Variants in RHOU observed in about 807,000 individuals in gnomAD.
The protein encoded by RHOU is ras homolog family member U.
Under a neutral mutation model 12.6 loss-of-function variants are expected in RHOU, and 8 were observed. That is an observed-to-expected ratio of 0.64 (90% CI 0.37 to 1.15). RHOU has a LOEUF of 1.15. Ranked by LOEUF, RHOU falls within the 50% of genes most tolerant of loss-of-function variation. The pLI is 0.01. For missense variants in RHOU, 258 were observed against 347.0 expected (o/e 0.74, Z 2.04); for synonymous variants, 161 against 147.4 (o/e 1.09, Z -0.67).
At chr1:228,667,689 T>C in the RHOU span, among the ~76,000 whole-genome samples, 1 of 152,234 alleles carries the variant, frequency 6.6e-6, no homozygotes, top group Non-Finnish European at 1.5e-5. Flanking sequence ...ATCAATACTA[T>C]TTTTAAATAA....
chr1:228,673,454 T>C, the RHOU span, among the ~76,000 whole-genome samples: 6 of 152,190 alleles, frequency 3.9e-5, no homozygotes, highest in African/African-American at 7.2e-5. Flanking sequence ...ATGGTTTGAA[T>C]TGGTGTCCCT....
chr1:228,688,358 T>C, the RHOU span, among the ~76,000 whole-genome samples: 1 of 152,206 alleles, frequency 6.6e-6, no homozygotes, highest in Non-Finnish European at 1.5e-5. Context: ...CCACTGCCTC[T>C]TTCATGTGTG....
chr1:228,703,975 T>G, the RHOU span, among the ~76,000 whole-genome samples: 1 of 152,202 alleles, frequency 6.6e-6, no homozygotes, highest in African/African-American at 2.4e-5. Flanking sequence ...AGGAAATTCT[T>G]GGTGGACAAC....
rs1345257007 is a variant in RHOU, at chr1:228,744,946, A to G, written c.*1206A>G. On this transcript the variant is annotated 3_prime_UTR_variant, in exon 3 of 3. Transcript: ENST00000366691. Reference sequence around the variant, plus strand: ...AGTATGTTTTTAAGTGTATCTTAATATATACATTTTTTAGGACATCTTAAA... The same window carrying G: ...AGTATGTTTTTAAGTGTATCTTAATGTATACATTTTTTAGGACATCTTAAA... 6.6e-6 allele frequency: 1 copy of G among 152,220 alleles called. No homozygotes were observed. The highest frequency in any genetic ancestry group is 1.5e-5 in the Non-Finnish European group (1 of 68,036). 9.4% of individuals were successfully genotyped at this position (152,220 alleles called of 1,614,324 possible).
the RHOU span, among the ~76,000 whole-genome samples, chr1:228,707,126 A>ATATATATATATATATATATATG: frequency 2.7e-5 from 2 of 75,374 alleles, no homozygotes; most frequent in African/African-American, 1.5e-4. Context: ...ATATATATAT[A>ATATATATATATATATATATATG]CATATATATA....
At chr1:228,648,755 A>G in the RHOU span, among the ~76,000 whole-genome samples, 2 of 152,148 alleles carry the variant, frequency 1.3e-5, no homozygotes, top group Non-Finnish European at 2.9e-5. Flanking sequence ...TCACATTATA[A>G]TCTATTACTT....
At chr1:228,718,166 G>A in the RHOU span, among the ~76,000 whole-genome samples, 3 of 152,040 alleles carry the variant, frequency 2.0e-5, no homozygotes, top group Non-Finnish European at 2.9e-5. Flanking sequence ...GTTCCCCTAC[G>A]TCCTCCAAAA....
the RHOU span, among the ~76,000 whole-genome samples, chr1:228,648,552 A>C: frequency 6.6e-6 from 1 of 152,044 alleles, no homozygotes. Context: ...CTCTTGCTTC[A>C]CCCACCCAGA....
At chr1:228,732,974 C>T (rs1215304838), upstream of RHOU, among the ~76,000 whole-genome samples, 1 of 152,162 alleles carries the variant, frequency 6.6e-6, no homozygotes, top group African/African-American at 2.4e-5. Context: ...TTTTAATAAA[C>T]TGCTTGACAC....
the RHOU span, among the ~76,000 whole-genome samples, chr1:228,721,934 T>A: frequency 6.6e-6 from 1 of 152,230 alleles, no homozygotes; most frequent in African/African-American, 2.4e-5. Flanking sequence ...ATTACAGGCG[T>A]GAGCCACCAC....
chr1:228,720,913 G>A, the RHOU span, among the ~76,000 whole-genome samples: 9 of 152,128 alleles, frequency 5.9e-5, no homozygotes, highest in African/African-American at 1.4e-4. Context: ...ATTAACCAGC[G>A]CTTTCCCCTA....
the RHOU span, among the ~76,000 whole-genome samples, chr1:228,681,688 A>G: frequency 6.6e-6 from 1 of 152,144 alleles, no homozygotes; most frequent in Non-Finnish European, 1.5e-5. Context: ...TATTGGGGCC[A>G]AGCGGTGTTG....
the RHOU span, among the ~76,000 whole-genome samples, chr1:228,716,747 C>CATATATATACATATATATAT: frequency 4.0e-5 from 6 of 151,242 alleles, no homozygotes; most frequent in Non-Finnish European, 7.4e-5. Flanking sequence ...TATACACACA[C>CATATATATACATATATATAT]ATGTGTGTGT....
the RHOU span, among the ~76,000 whole-genome samples, chr1:228,722,628 C>CTTTT: frequency 1.4e-5 from 2 of 145,336 alleles, no homozygotes; most frequent in African/African-American, 2.5e-5. Context: ...TCCTGACCTC[C>CTTTT]TTTTTTTTTT....
the RHOU span, among the ~76,000 whole-genome samples, chr1:228,712,841 AT>A: frequency 3.7e-5 from 4 of 107,756 alleles, no homozygotes; most frequent in African/African-American, 1.8e-4. Flanking sequence ...ATAAAATAAA[AT>A]AAAATAAAAT....
chr1:228,700,218 T>A, the RHOU span, among the ~76,000 whole-genome samples: 2 of 152,244 alleles, frequency 1.3e-5, no homozygotes, highest in Non-Finnish European at 1.5e-5. Context: ...GTTTATTAGA[T>A]AAGTTATCAT....
chr1:228,686,780 T>G, the RHOU span, among the ~76,000 whole-genome samples: 40,877 of 151,970 alleles, frequency 0.27, 9,682 homozygotes, highest in African/African-American at 0.65. Flanking sequence ...TTCCTCTGTC[T>G]CTCAGGCTGG....
intron 1 of RHOU, among the ~76,000 whole-genome samples, chr1:228,736,260 C>CAAA (rs1204392489): frequency 0.063 from 4,420 of 70,716 alleles, 489 homozygotes; most frequent in African/African-American, 0.22. Context: ...AGAGCCTTGC[C>CAAA]AAAAAAAAAA....
chr1:228,658,412 T>G, the RHOU span, among the ~76,000 whole-genome samples: 1 of 151,658 alleles, frequency 6.6e-6, no homozygotes, highest in African/African-American at 2.4e-5. Context: ...ATTCATTCAC[T>G]CCTGTCTCCT....
Sources: allele counts gnomAD v4.1 joint callset (sites outside exome capture counted in the v4.1 genomes callset), GRCh38; gene constraint gnomAD v4.1.1; transcripts MANE v1.5; gene names NCBI Gene and HGNC (gene_info 2026-07-23, HGNC 2026-07-21).